The following BMERB1 variants were observed in gnomAD, a reference collection of about 807,000 sequenced individuals.
The protein encoded by BMERB1 is bMERB domain-containing protein 1.
Under a neutral mutation model 23.6 loss-of-function variants are expected in BMERB1, and 12 were observed. That is an observed-to-expected ratio of 0.51 (90% CI 0.33 to 0.82). The LOEUF is 0.82. Among genes scored for constraint, BMERB1 ranks in the 40% least tolerant of loss-of-function variants. The pLI is 0.03. For synonymous variants in BMERB1, 122 were observed against 96.6 expected (o/e 1.26, Z -1.54); for missense variants, 247 against 255.4 (o/e 0.97, Z 0.22).
intron 2 of BMERB1, among the ~76,000 whole-genome samples, chr16:15,534,685 G>C (rs975335672): frequency 4.6e-5 from 7 of 152,166 alleles, no homozygotes; most frequent in African/African-American, 1.7e-4. Flanking sequence ...TAAGGCAGTG[G>C]GGTGGTTTCC....
Position 15,586,904 on chromosome 16 carries a change from G to C in BMERB1, c.*75G>C. The C allele has an allele frequency of 1.0e-6, 1 of 992,398 alleles. No individual in the cohort carries two copies. 61.5% of individuals were successfully genotyped at this position (992,398 alleles called of 1,614,324 possible). A position where few individuals can be genotyped will look rare whatever the true frequency, so the allele number is the denominator to read the frequency against. ...TCTTTATAGCCCCCATTTCACCGGG[G>C]CCCAAGAGCTCTCCAAGGCAGAAGG... On this transcript the variant is annotated 3_prime_UTR_variant, in exon 6 of 6. Transcript: ENST00000300006.
intron 1 of BMERB1, among the ~76,000 whole-genome samples, chr16:15,490,587 A>G (rs931711059): frequency 6.6e-5 from 10 of 152,254 alleles, no homozygotes; most frequent in Admixed American, 5.9e-4. Flanking sequence ...CCAGCCTCGG[A>G]CTGCTACTTT....
intron 2 of BMERB1, among the ~76,000 whole-genome samples, chr16:15,550,141 G>C (rs1388201691): frequency 2.0e-5 from 3 of 152,110 alleles, no homozygotes; most frequent in Non-Finnish European, 4.4e-5. Flanking sequence ...GGGTTTCACT[G>C]TGTTAGCCAG....
At chr16:15,444,138 T>TTTTTTTG (rs2050969262) in intron 1 of BMERB1, among the ~76,000 whole-genome samples, 1 of 131,678 alleles carries the variant, frequency 7.6e-6, no homozygotes, top group Middle Eastern at 3.6e-3. Context: ...TTTTTTTTTT[T>TTTTTTTG]TTTTTTTTTT....
At chr16:15,450,637 ATTG>A (rs1372263732) in intron 1 of BMERB1, among the ~76,000 whole-genome samples, 1 of 151,956 alleles carries the variant, frequency 6.6e-6, no homozygotes, top group East Asian at 1.9e-4. Context: ...TGCCTGGCTA[ATTG>A]TTGTATTTTT....
chr16:15,566,522 AG>A (rs1379877149), intron 2 of BMERB1, among the ~76,000 whole-genome samples: 2 of 152,186 alleles, frequency 1.3e-5, no homozygotes, highest in African/African-American at 4.8e-5. Flanking sequence ...AGCTGAGTGC[AG>A]TGGCTCACGC....
intron 1 of BMERB1, among the ~76,000 whole-genome samples, chr16:15,513,819 G>A (rs1351334561): frequency 6.6e-6 from 1 of 151,932 alleles, no homozygotes; most frequent in Non-Finnish European, 1.5e-5. Flanking sequence ...ACTCGAACCC[G>A]GGAGGTGAAG....
At chr16:15,459,919 A>G (rs188995109) in intron 1 of BMERB1, among the ~76,000 whole-genome samples, 1 of 152,316 alleles carries the variant, frequency 6.6e-6, no homozygotes, top group African/African-American at 2.4e-5. Context: ...TTGTCAGCCC[A>G]GAGACAGTTT....
At chr16:15,586,281 CAG>C (rs2031138394) in intron 5 of BMERB1, among the ~76,000 whole-genome samples, 1 of 152,114 alleles carries the variant, frequency 6.6e-6, no homozygotes, top group South Asian at 2.1e-4. Context: ...GGAGATAAAA[CAG>C]AGAATGGGAG....
chr16:15,536,689 A>T (rs2052028068), intron 2 of BMERB1: 1 of 152,192 alleles, frequency 6.6e-6, no homozygotes, highest in African/African-American at 2.4e-5. Flanking sequence ...AATCACATGG[A>T]GAACTTTAAA....
At chr16:15,457,649 A>G (rs575279381) in intron 1 of BMERB1, among the ~76,000 whole-genome samples, 1 of 152,230 alleles carries the variant, frequency 6.6e-6, no homozygotes, top group East Asian at 1.9e-4. Context: ...CAATGCTCAC[A>G]GTTTGCTAAG....
chr16:15,467,961 A>G (rs1227165222), intron 1 of BMERB1, among the ~76,000 whole-genome samples: 1 of 152,148 alleles, frequency 6.6e-6, no homozygotes, highest in Non-Finnish European at 1.5e-5. Context: ...GTTATTGTCT[A>G]CAGACTGAGA....
intron 1 of BMERB1, among the ~76,000 whole-genome samples, chr16:15,470,589 G>C (rs1006315447): frequency 6.6e-6 from 1 of 150,640 alleles, no homozygotes; most frequent in African/African-American, 2.4e-5. Flanking sequence ...GCAGTGGCGC[G>C]ATCTCAGCTC....
At chr16:15,484,441 GC>G (rs2051351012) in intron 1 of BMERB1, among the ~76,000 whole-genome samples, 1 of 151,286 alleles carries the variant, frequency 6.6e-6, no homozygotes, top group East Asian at 1.9e-4. Context: ...TCGCTCTGCT[GC>G]CCAGGCAGGA....
intron 1 of BMERB1, among the ~76,000 whole-genome samples, chr16:15,509,868 G>T (rs1178844462): frequency 6.6e-6 from 1 of 152,172 alleles, no homozygotes; most frequent in South Asian, 2.1e-4. Flanking sequence ...CTTTGCAGGG[G>T]TAATTCAGAT....
chr16:15,579,934 G>C (rs752390447), intron 3 of BMERB1, among the ~76,000 whole-genome samples: 1 of 152,112 alleles, frequency 6.6e-6, no homozygotes, highest in Non-Finnish European at 1.5e-5. Flanking sequence ...TTTCAAAATT[G>C]TATGCAATTT....
At chr16:15,568,159 A>G (rs779362675) in intron 3 of BMERB1, 103 bp downstream of exon 3, 3 of 921,044 alleles carry the variant, frequency 3.3e-6, no homozygotes, top group African/African-American at 3.3e-5. Context: ...CATTCTTGCA[A>G]TGCAGTGCTC....
chr16:15,495,960 G>A (rs1326941546), intron 1 of BMERB1, among the ~76,000 whole-genome samples: 1 of 152,038 alleles, frequency 6.6e-6, no homozygotes, highest in Non-Finnish European at 1.5e-5. Flanking sequence ...TGGTGGTGAT[G>A]GTGGTGGTGG....
chr16:15,509,710 G>A (rs1488375816), intron 1 of BMERB1, among the ~76,000 whole-genome samples: 2 of 152,156 alleles, frequency 1.3e-5, no homozygotes, highest in African/African-American at 2.4e-5. Context: ...GCTGTGCTCT[G>A]TGTGCAGGAT....
Sources: allele counts gnomAD v4.1 joint callset (sites outside exome capture counted in the v4.1 genomes callset), GRCh38; gene constraint gnomAD v4.1.1; transcripts MANE v1.5; gene names NCBI Gene and HGNC (gene_info 2026-07-23, HGNC 2026-07-21).